PCDHA4: variants seen among roughly 807,000 people sequenced by gnomAD.
PCDHA4 encodes the protein protocadherin alpha 4.
A neutral mutation model predicts 61.4 loss-of-function variants in PCDHA4; 49 were observed. The ratio of observed to expected loss-of-function variants is 0.80; its 90% CI spans 0.63 to 1.01. The LOEUF (loss-of-function observed/expected upper bound fraction) is 1.01, where lower values mean the gene tolerates loss of function less well. Ranked by LOEUF, PCDHA4 falls within the 50% of genes least tolerant of loss-of-function variation. The pLI is 0.00. For missense variants in PCDHA4, 1,254 were observed against 1,235.8 expected (o/e 1.01, Z -0.22); for synonymous variants, 590 against 550.3 (o/e 1.07, Z -1.01).
intron 1 of PCDHA4, among the ~76,000 whole-genome samples, chr5:140,891,886 G>A (rs1554184992): frequency 1.3e-5 from 2 of 152,186 alleles, no homozygotes; most frequent in East Asian, 1.9e-4. Context: ...GTCATGTGAC[G>A]ATGCAGCAAG....
chr5:140,993,850 G>A (rs1187946683), intron 3 of PCDHA4, among the ~76,000 whole-genome samples: 2 of 152,144 alleles, frequency 1.3e-5, no homozygotes, highest in African/African-American at 4.8e-5. Context: ...TATGTAGTAG[G>A]CTATGCCATC....
intron 1 of PCDHA4, chr5:140,863,127 C>A: frequency 1.7e-6 from 1 of 597,490 alleles, no homozygotes; most frequent in Non-Finnish European, 3.3e-6. Context: ...CTACGCGCCA[C>A]CGCCTGCTGG....
chr5:140,881,353 G>A (rs537796043), intron 1 of PCDHA4: 1 of 985,178 alleles, frequency 1.0e-6, no homozygotes, highest in East Asian at 1.1e-4. Flanking sequence ...GCTACAATGC[G>A]TGGCTTTCGT....
rs140058365 is a variant in PCDHA4 at position 140,928,379 on chromosome 5, G to A, written c.2386-50570G>A. 5.7e-4 allele frequency: 913 copies of A among 1,614,172 alleles called. 5 individuals are homozygous for A. The African/African-American group carries it at 0.01, about 18-fold the overall frequency. On this transcript the variant is annotated intron_variant, in intron 1 of 3. Transcript: ENST00000530339. ...ATCTCTGAAGGGCCATCAGCCTCTA[G>A]CTTGCTGGCAGTGGAATCATCCAGT...
chr5:140,924,472 G>A (rs938412564), intron 1 of PCDHA4, among the ~76,000 whole-genome samples: 1 of 152,188 alleles, frequency 6.6e-6, no homozygotes, highest in African/African-American at 2.4e-5. Flanking sequence ...GAGGTAACTG[G>A]TTTTTAGTGG....
Position 140,882,762 on chromosome 5 carries a change from A to G in PCDHA4, c.2385+73190A>G, listed in dbSNP as rs2059298878. 1.9e-6 allele frequency: 3 copies of G among 1,614,200 alleles called. No individual in the cohort carries two copies. The East Asian group carries it at 6.7e-5, about 36-fold the overall frequency. On this transcript the variant is annotated intron_variant, in intron 1 of 3. Transcript: ENST00000530339. ...GCATCCGATGCAGATATTGGAGTAA[A>G]CTCGGCATTGACCTACCGACTGGAT... is the stretch of plus-strand genomic sequence containing the variant.
intron 1 of PCDHA4, chr5:140,882,420 A>G: frequency 1.2e-6 from 2 of 1,614,046 alleles, no homozygotes; most frequent in Non-Finnish European, 1.7e-6. Flanking sequence ...ATCGCTCAGG[A>G]CCTGGGGCTG....
intron 1 of PCDHA4, among the ~76,000 whole-genome samples, chr5:140,925,792 T>C (rs918762181): frequency 6.6e-6 from 1 of 152,170 alleles, no homozygotes. Flanking sequence ...AGTATCTCAG[T>C]ACTTTCCCCT....
intron 1 of PCDHA4, chr5:140,857,350 G>C: frequency 6.3e-7 from 1 of 1,598,502 alleles, no homozygotes; most frequent in Non-Finnish European, 8.6e-7. Context: ...CGCCTCCGCT[G>C]TGGGCCACGG....
intron 1 of PCDHA4, among the ~76,000 whole-genome samples, chr5:140,959,643 G>A (rs246006): frequency 0.56 from 85,684 of 152,026 alleles, 24,754 homozygotes; most frequent in African/African-American, 0.69. Flanking sequence ...AAAAAACACA[G>A]AAGCAAAATT....
chr5:140,937,322 C>T (rs2091472402), intron 1 of PCDHA4, among the ~76,000 whole-genome samples: 1 of 152,084 alleles, frequency 6.6e-6, no homozygotes, highest in Non-Finnish European at 1.5e-5. Context: ...CAGGCGTGAG[C>T]CACCGCGCCC....
At chr5:140,858,726 C>T (rs115774489) in intron 1 of PCDHA4, 5,491 of 481,664 alleles carry the variant, frequency 0.011, 341 homozygotes, top group Non-Finnish European at 0.014. Flanking sequence ...GCAGTTCTGA[C>T]GATTTACTTT....
intron 1 of PCDHA4, chr5:140,860,593 T>C (rs782239381): frequency 6.6e-6 from 1 of 152,050 alleles, no homozygotes. Flanking sequence ...GGAAAGGAGT[T>C]GGAAGCTCAC....
chr5:140,875,832 C>T, intron 1 of PCDHA4: 1 of 1,614,086 alleles, frequency 6.2e-7, no homozygotes, highest in Middle Eastern at 1.6e-4. Flanking sequence ...TCCATGTGGA[C>T]GTGGAGGTGA....
At chr5:140,828,462 G>A (rs2150155526) in intron 1 of PCDHA4, 15 of 1,614,182 alleles carry the variant, frequency 9.3e-6, no homozygotes, top group South Asian at 8.8e-5. Context: ...GTGGAGGTGA[G>A]GGACATTAAC....
At chr5:140,884,698 A>G (rs782573200) in intron 1 of PCDHA4, 13 of 1,502,610 alleles carry the variant, frequency 8.7e-6, no homozygotes, top group African/African-American at 1.4e-5. Context: ...CTTAGTAAAC[A>G]CTTTAGCCTT....
At chr5:140,823,479 A>C in intron 1 of PCDHA4, 1 of 1,613,314 alleles carries the variant, frequency 6.2e-7, no homozygotes, top group African/African-American at 1.3e-5. Flanking sequence ...TGGTGCCTCG[A>C]GTGGGTGGCA....
chr5:140,913,824 TC>T, intron 1 of PCDHA4, among the ~76,000 whole-genome samples: 1 of 152,216 alleles, frequency 6.6e-6, no homozygotes, highest in Middle Eastern at 3.2e-3. Context: ...CTTTTAAATT[TC>T]TTTATTGACC....
At chr5:140,981,666 C>CT (rs1430989347) in intron 2 of PCDHA4, among the ~76,000 whole-genome samples, 8 of 152,058 alleles carry the variant, frequency 5.3e-5, no homozygotes, top group Non-Finnish European at 1.0e-4. Flanking sequence ...TTCTTCCTTC[C>CT]TTTCTTCCTT....
Sources: gnomAD v4.1 joint callset for allele counts (sites outside exome capture counted in the v4.1 genomes callset) on GRCh38, gnomAD v4.1.1 for gene constraint, MANE v1.5 for transcripts, NCBI Gene and HGNC (gene_info 2026-07-23, HGNC 2026-07-21) for gene names.